Variants in RIMS2 observed in about 807,000 individuals in gnomAD.
RIMS2 encodes regulating synaptic membrane exocytosis protein 2.
Under a neutral mutation model 174.4 loss-of-function variants are expected in RIMS2, and 59 were observed. That is an observed-to-expected ratio of 0.34 (90% confidence interval 0.27 to 0.42). RIMS2 has a LOEUF of 0.42. RIMS2 is among the 10% of genes least tolerant of loss of function. The pLI is 1.00. For missense variants in RIMS2, 1,620 were observed against 1,666.3 expected, an observed-to-expected ratio of 0.97 and a Z score of 0.48; for synonymous variants, 606 against 572.5, an observed-to-expected ratio of 1.06 and a Z score of -0.84.
At chr8:103,910,321 G>A (rs765054965) in intron 5 of RIMS2, 1 of 1,589,074 alleles carries the variant, frequency 6.3e-7, no homozygotes, top group Non-Finnish European at 8.6e-7. Flanking sequence ...ATACCTGTAG[G>A]GGACAGTCAA....
At chr8:104,017,279 G>A (rs181462292) in intron 19 of RIMS2, among the ~76,000 whole-genome samples, 19 of 151,884 alleles carry the variant, frequency 1.3e-4, no homozygotes, top group African/African-American at 4.3e-4. Flanking sequence ...TTAATTATGA[G>A]AAGTTGTAAT....
chr8:103,876,166 A>G (rs962094253), intron 3 of RIMS2, among the ~76,000 whole-genome samples: 5 of 151,930 alleles, frequency 3.3e-5, no homozygotes, highest in Admixed American at 2.6e-4. Flanking sequence ...TAATAGTCAT[A>G]AATTCTTTGC....
At chr8:103,722,328 C>T (rs1447760580) in intron 2 of RIMS2, among the ~76,000 whole-genome samples, 1 of 152,086 alleles carries the variant, frequency 6.6e-6, no homozygotes. Context: ...TACTTTATTT[C>T]TATTATTATT....
At chr8:104,189,607 AAT>A (rs543361079) in intron 19 of RIMS2, among the ~76,000 whole-genome samples, 15 of 147,468 alleles carry the variant, frequency 1.0e-4, no homozygotes, top group African/African-American at 9.8e-5. Flanking sequence ...TATTTATGTA[AAT>A]ATATATATAT....
intron 1 of RIMS2, among the ~76,000 whole-genome samples, chr8:103,635,753 G>T (rs948612818): frequency 3.3e-5 from 5 of 152,116 alleles, no homozygotes; most frequent in Non-Finnish European, 7.4e-5. Context: ...CAGCTGAGCT[G>T]TGCTGGGGTT....
At chr8:103,558,044 T>TA (rs2090834755) in intron 1 of RIMS2, among the ~76,000 whole-genome samples, 1 of 152,148 alleles carries the variant, frequency 6.6e-6, no homozygotes, top group African/African-American at 2.4e-5. Context: ...AAAAGGTGCA[T>TA]AAAGTACCTT....
intron 2 of RIMS2, among the ~76,000 whole-genome samples, chr8:103,711,039 A>G (rs1031491080): frequency 6.6e-6 from 1 of 152,230 alleles, no homozygotes; most frequent in African/African-American, 2.4e-5. Flanking sequence ...ACTGGTGTGA[A>G]TAACTTCAAG....
intron 19 of RIMS2, among the ~76,000 whole-genome samples, chr8:104,088,252 A>G (rs1405239606): frequency 6.6e-6 from 1 of 152,102 alleles, no homozygotes; most frequent in Non-Finnish European, 1.5e-5. Flanking sequence ...TCAAAGAGCA[A>G]CAACTATTTT....
At chr8:103,757,010 T>TGTGA (rs1458679084) in intron 2 of RIMS2, among the ~76,000 whole-genome samples, 76 of 114,354 alleles carry the variant, frequency 6.6e-4, no homozygotes, top group African/African-American at 8.9e-4. Context: ...TGTGTGTGTG[T>TGTGA]GAGAGAGAGA....
chr8:103,789,004 G>A (rs567312844), intron 3 of RIMS2, among the ~76,000 whole-genome samples: 11 of 152,320 alleles, frequency 7.2e-5, no homozygotes, highest in East Asian at 1.9e-4. Flanking sequence ...TCGGAAAAGC[G>A]CAGTATTCGG....
At chr8:103,777,550 TAAAAGCTATTTTATTTAAGTA>T (rs1263424572) in intron 3 of RIMS2, among the ~76,000 whole-genome samples, 2 of 152,030 alleles carry the variant, frequency 1.3e-5, no homozygotes, top group African/African-American at 2.4e-5. Context: ...ATAACTTATA[TAAAAGCTATTTTATTTAAGTA>T]AAAAGCTATT....
chr8:103,969,748 T>A (rs2092630427), intron 15 of RIMS2, among the ~76,000 whole-genome samples: 1 of 152,158 alleles, frequency 6.6e-6, no homozygotes, highest in Non-Finnish European at 1.5e-5. Flanking sequence ...GTATGTAATT[T>A]TTTTCTTTCT....
At chr8:104,234,765 A>T (rs2099249949) in intron 19 of RIMS2, among the ~76,000 whole-genome samples, 1 of 152,154 alleles carries the variant, frequency 6.6e-6, no homozygotes, top group Non-Finnish European at 1.5e-5. Context: ...AATTACAGGA[A>T]CCCATAATGG....
At chr8:103,909,055 T>G (rs1196442205) in intron 4 of RIMS2, among the ~76,000 whole-genome samples, 1 of 152,156 alleles carries the variant, frequency 6.6e-6, no homozygotes, top group African/African-American at 2.4e-5. Context: ...AAACATTACT[T>G]GAGGGGTGTT....
Position 104,064,964 on chromosome 8 carries a change from A to G in RIMS2, c.3334+50349A>G, listed in dbSNP as rs569122896. On this transcript the variant is annotated intron_variant, in intron 19 of 23. Coordinates refer to ENST00000504942, the Ensembl canonical transcript of RIMS2. ...AAACCACTAAGAAGTCTTCTGAAAT[A>G]AACATAGTTCATCACATATAAGAAA... Among the ~76,000 whole-genome samples the G allele has an allele frequency of 2.0e-4, 31 of 152,274 alleles. No individual in the cohort carries two copies. In the South Asian group the frequency reaches 6.0e-3, roughly 29 times the overall value.
At chr8:103,876,872 A>T (rs1191378743) in intron 3 of RIMS2, among the ~76,000 whole-genome samples, 278 of 22,100 alleles carry the variant, frequency 0.013, 11 homozygotes, top group Non-Finnish European at 0.019. Context: ...TTTTATATAT[A>T]TATATATATA....
At chr8:104,148,915 C>A in intron 19 of RIMS2, 67 bp downstream of exon 25, 1 of 1,492,570 alleles carries the variant, frequency 6.7e-7, no homozygotes, top group Non-Finnish European at 9.1e-7. Context: ...TTTCTTTTCT[C>A]TTACTCATTT....
At chr8:104,174,400 A>C (rs1372151368) in intron 19 of RIMS2, among the ~76,000 whole-genome samples, 1 of 121,092 alleles carries the variant, frequency 8.3e-6, no homozygotes, top group Non-Finnish European at 1.7e-5. Flanking sequence ...CTGGGCTTAA[A>C]AGGCACAAAG....
intron 1 of RIMS2, among the ~76,000 whole-genome samples, chr8:103,560,449 A>G (rs898428101): frequency 2.6e-5 from 4 of 152,228 alleles, no homozygotes; most frequent in African/African-American, 9.6e-5. Context: ...AAAATATTAG[A>G]AACTGATAAA....
Sources: gnomAD v4.1 joint callset for allele counts (sites outside exome capture counted in the v4.1 genomes callset) on GRCh38, gnomAD v4.1.1 for gene constraint, MANE v1.5 for transcripts, NCBI Gene and HGNC (gene_info 2026-07-23, HGNC 2026-07-21) for gene names.